Variants in ARID3A observed in about 807,000 individuals in gnomAD.
ARID3A encodes AT-rich interaction domain 3A.
ARID3A carries 11 observed loss-of-function variants against 52.7 expected under a neutral mutation model. The observed-to-expected ratio is 0.21, with a 90% CI of 0.13 to 0.35. The LOEUF (loss-of-function observed/expected upper bound fraction) is 0.35. Among genes scored for constraint, ARID3A ranks in the 10% least tolerant of loss-of-function variants. The pLI is 1.00. For missense variants in ARID3A, 721 were observed against 838.5 expected (o/e 0.86, Z 1.73); for synonymous variants, 404 against 359.4 (o/e 1.12, Z -1.40).
At chr19:940,983 C>T (rs1184379490) in intron 3 of ARID3A, among the ~76,000 whole-genome samples, 3 of 152,224 alleles carry the variant, frequency 2.0e-5, no homozygotes, top group East Asian at 3.9e-4. Flanking sequence ...AGGAGCGTCG[C>T]TGACTCAGCC....
chr19:966,401 T>C (rs1172899684), intron 6 of ARID3A, among the ~76,000 whole-genome samples, 171 bp from the exon 7 acceptor site: 4 of 144,744 alleles, frequency 2.8e-5, no homozygotes, highest in Non-Finnish European at 4.5e-5. Context: ...GAGGTTGCGG[T>C]GAGCTGAGAT....
intron 3 of ARID3A, among the ~76,000 whole-genome samples, chr19:956,117 T>C (rs558536805): frequency 6.6e-6 from 1 of 152,216 alleles, no homozygotes; most frequent in East Asian, 1.9e-4. Context: ...AAATAACGTC[T>C]CGTTCTGAGG....
At chr19:931,529 A>G (rs1393817679) in intron 2 of ARID3A, among the ~76,000 whole-genome samples, 1 of 151,320 alleles carries the variant, frequency 6.6e-6, no homozygotes, top group Non-Finnish European at 1.5e-5. Flanking sequence ...ACAGCTGCCA[A>G]TGGCTGGGCG....
At chr19:943,719 C>T (rs1180370411) in intron 3 of ARID3A, among the ~76,000 whole-genome samples, 1 of 152,180 alleles carries the variant, frequency 6.6e-6, no homozygotes, top group Admixed American at 6.5e-5. Flanking sequence ...AGGACCCTCC[C>T]CTGGAGCCCC....
rs1457992118 is a variant in ARID3A at position 941,923 on chromosome 19, C to T, written c.693+9181C>T. 3.3e-5 allele frequency among the ~76,000 whole-genome samples: 5 copies of T among 152,078 alleles called. No homozygotes were observed. The highest frequency in any genetic ancestry group is 2.0e-4 in the Admixed American group (3 of 15,278). On this transcript the variant is annotated intron_variant, in intron 3 of 8. Coordinates refer to ENST00000263620, the MANE Select transcript of ARID3A (RefSeq NM_005224.3). The surrounding 1 kb of genome is among the most constrained non-coding windows in gnomAD (Gnocchi z 6.9). ...CGCACGTGTGCCCGTGACAGACGACCTTCCTGTGTGCCTGAGCATTTGGGA... is the reference window on the plus strand; with the variant it reads ...CGCACGTGTGCCCGTGACAGACGACTTTCCTGTGTGCCTGAGCATTTGGGA...
chr19:940,860 G>A (rs1480647761), intron 3 of ARID3A, among the ~76,000 whole-genome samples: 5 of 152,136 alleles, frequency 3.3e-5, no homozygotes, highest in South Asian at 2.1e-4. Context: ...GGCAGCGCCC[G>A]CCTCATCAAA....
intron 2 of ARID3A, 129 bp from the exon 3 acceptor site, chr19:932,289 T>G: frequency 1.1e-5 from 16 of 1,511,494 alleles, no homozygotes; most frequent in Non-Finnish European, 1.4e-5. Flanking sequence ...CTCTGCAGTC[T>G]GAGCTGGCGG....
At position 964,454 on chromosome 19, in the gene ARID3A, G is replaced by C; in HGVS notation, c.950+23G>C. On this transcript the variant is annotated intron_variant, in intron 5 of 8. Coordinates refer to ENST00000263620, the MANE Select transcript of ARID3A (RefSeq NM_005224.3). This position sits in a 1 kb window ranked among gnomAD's most constrained non-coding sequence, Gnocchi z 5.7. ...CCAGTGAGTGGCGGACGGTTGTGCC[G>C]AGGTCGGGCCAGGGCACTCTGAGCA... 1 of 1,559,550 alleles carries C rather than the reference G, an allele frequency of 6.4e-7. No homozygotes were observed.
chr19:968,902 C>T (rs113105776), intron 8 of ARID3A: 17,232 of 155,872 alleles, frequency 0.11, 1,050 homozygotes, highest in South Asian at 0.26. Flanking sequence ...AATCTTCCTG[C>T]CTCGGCGTCC....
At position 946,808 on chromosome 19, in the gene ARID3A, G is replaced by T. The variant is rs571778434; in HGVS notation, c.694-13284G>T. On this transcript the variant is annotated intron_variant, in intron 3 of 8. Transcript: ENST00000263620. ...TCTGTTTGTTTGTTTGTGTGTGTGT[G>T]TGTGTGACAGGGTCTCCCTCTGTTG... is the stretch of plus-strand genomic sequence containing the variant. Among the ~76,000 whole-genome samples the T allele has an allele frequency of 8.4e-4, 127 of 151,214 alleles. 1 individual carries two copies. The highest frequency in any genetic ancestry group is 3.0e-3 in the African/African-American group (125 of 41,192).
In ARID3A at chr19:964,791, G is replaced by T; in HGVS notation, c.951-42G>T. On this transcript the variant is annotated intron_variant, in intron 5 of 8. Coordinates refer to ENST00000263620, the MANE Select transcript of ARID3A (RefSeq NM_005224.3). This position sits in a 1 kb window ranked among gnomAD's most constrained non-coding sequence, Gnocchi z 5.7. ...TACTGAAGGCCAAAGAGAGCCGTAG[G>T]GGTGACCCGGGTGCCATCCTCTTCC... 1.9e-6 allele frequency: 3 copies of T among 1,596,094 alleles called. No individual in the cohort carries two copies. In the South Asian group the frequency reaches 3.4e-5, roughly 18 times the overall value.
At position 941,825 on chromosome 19, in the gene ARID3A, CGTAT is replaced by C. The variant is rs72454678; in HGVS notation, c.693+9086_693+9089del. Among the ~76,000 whole-genome samples, 18,819 of 150,538 alleles carry C rather than the reference CGTAT, an allele frequency of 0.13. 1,525 individuals carry two copies. Among genetic ancestry groups the C allele is most frequent in the East Asian group, 0.44 (2,239 of 5,042 alleles). Reference sequence around the variant, plus strand: ...TGTGTGTGTCAGGGGTGGCTGCAAGCGTATGTGTGTGTGCACGTCGAGGCTGGAG... The same window carrying C: ...TGTGTGTGTCAGGGGTGGCTGCAAGCGTGTGTGTGCACGTCGAGGCTGGAG... On this transcript the variant is annotated intron_variant, in intron 3 of 8. Transcript: ENST00000263620. This position sits in a 1 kb window ranked among gnomAD's most constrained non-coding sequence, Gnocchi z 6.9.
intron 3 of ARID3A, among the ~76,000 whole-genome samples, chr19:940,725 G>A (rs1005904201): frequency 6.6e-6 from 1 of 152,164 alleles, no homozygotes; most frequent in African/African-American, 2.4e-5. Context: ...AGAGAGCCCC[G>A]AGCCAGGCCC....
Position 938,124 on chromosome 19 carries a change from G to A in ARID3A, c.693+5382G>A, listed in dbSNP as rs1051579666. Among the ~76,000 whole-genome samples the A allele has an allele frequency of 4.6e-5, 7 of 152,216 alleles. No homozygotes were observed. Among genetic ancestry groups the A allele is most frequent in the East Asian group, 1.9e-4 (1 of 5,180 alleles). On this transcript the variant is annotated intron_variant, in intron 3 of 8. Transcript: ENST00000263620. The surrounding 1 kb of genome is among the most constrained non-coding windows in gnomAD (Gnocchi z 4.0). ...GTCCCAGAGTGCTGGGATCACAGAC[G>A]TGAGCCACCGCGCCCGGCCTGTTGT...
chr19:939,999 G>A (rs1019115099), intron 3 of ARID3A, among the ~76,000 whole-genome samples: 1 of 152,140 alleles, frequency 6.6e-6, no homozygotes, highest in African/African-American at 2.4e-5. Context: ...TTCAGACTGA[G>A]GCTTAGGGGC....
rs1271038135 is a variant in ARID3A, at chr19:972,791, G to GA, written c.*734dup. ...AGGGAAACTGGTCTTGAAAAAGCAA[G>GA]AAAAAAAAGCAAAAAAAAAAAAAAA... On this transcript the variant is annotated 3_prime_UTR_variant, in exon 9 of 9. Coordinates refer to ENST00000263620, the MANE Select transcript of ARID3A (RefSeq NM_005224.3). The GA allele has an allele frequency of 1.1e-4, 3 of 26,192 alleles. No individual in the cohort carries two copies. Among genetic ancestry groups the GA allele is most frequent in the African/African-American group, 2.2e-4 (1 of 4,614 alleles). The allele number at this position is 26,192 out of a possible 1,614,324, so 1.6% of individuals were successfully genotyped here. A position where few individuals can be genotyped will look rare whatever the true frequency, so the allele number is the denominator to read the frequency against.
rs1244956577 is a variant in ARID3A at position 942,810 on chromosome 19, C to T, written c.693+10068C>T. Among the ~76,000 whole-genome samples the T allele has an allele frequency of 6.6e-6, 1 of 152,206 alleles. No individual in the cohort carries two copies. Among genetic ancestry groups the T allele is most frequent in the African/African-American group, 2.4e-5 (1 of 41,446 alleles). ...CCCTCAGAGACGGAGAACGTGAGAG[C>T]AAGTAAGAACCCGCCTTCCGGGAGG... On this transcript the variant is annotated intron_variant, in intron 3 of 8. Coordinates refer to ENST00000263620, the MANE Select transcript of ARID3A (RefSeq NM_005224.3). The surrounding 1 kb of genome is among the most constrained non-coding windows in gnomAD (Gnocchi z 8.1).
At chr19:925,985 G>A (rs1219790057), upstream of ARID3A, 1 of 151,300 alleles carries the variant, frequency 6.6e-6, no homozygotes, top group Admixed American at 6.6e-5. Flanking sequence ...GGGGCGGGGC[G>A]GGGGCCGGCC....
rs150037861 is a variant in ARID3A at position 940,358 on chromosome 19, C to T, written c.693+7616C>T. Among the ~76,000 whole-genome samples the T allele has an allele frequency of 4.1e-3, 620 of 151,732 alleles. 7 individuals are homozygous for T. Among genetic ancestry groups the T allele is most frequent in the Middle Eastern group, 0.024 (7 of 294 alleles). ...AGAAATGTACGCGTTTGCACTGGGC[C>T]GCATTTACAGCCGTCCTGGGCCGCG... On this transcript the variant is annotated intron_variant, in intron 3 of 8. Transcript: ENST00000263620.
Sources: allele counts gnomAD v4.1 joint callset (sites outside exome capture counted in the v4.1 genomes callset), GRCh38; gene constraint gnomAD v4.1.1; non-coding constraint Gnocchi (gnomAD v3.1); transcripts MANE v1.5; gene names NCBI Gene and HGNC (gene_info 2026-07-23, HGNC 2026-07-21).